Variants in RAD51D observed in about 807,000 individuals in gnomAD.
RAD51D encodes RAD51 paralog D, also known as DNA repair protein RAD51 homolog 4.
A neutral mutation model predicts 44.1 loss-of-function variants in RAD51D; 38 were observed. That is an observed-to-expected ratio of 0.86 (90% CI 0.67 to 1.13). The LOEUF is 1.13. Ranked by LOEUF, RAD51D falls within the 50% of genes most tolerant of loss-of-function variation. The pLI is 0.00. For synonymous variants in RAD51D, 141 were observed against 166.6 expected (o/e 0.85, Z 1.18); for missense variants, 390 against 414.0 (o/e 0.94, Z 0.50).
chr17:35,094,124 T>C lies in RAD51D; in HGVS notation c.*6829A>G, dbSNP rs1192250884. On this transcript the variant is annotated 3_prime_UTR_variant, in exon 10 of 10. Transcript: ENST00000345365. ...CCTGTTTTGTTTTGTTTTTTTGAGA[T>C]GGAGTCTTGTTCCGTCACCCAGACT... is the stretch of plus-strand genomic sequence containing the variant. The C allele has an allele frequency of 1.3e-5, 2 of 152,432 alleles. No individual in the cohort carries two copies. Among genetic ancestry groups the C allele is most frequent in the African/African-American group, 4.8e-5 (2 of 41,442 alleles). 9.4% of individuals were successfully genotyped at this position (152,432 alleles called of 1,614,324 possible).
In RAD51D at chr17:35,098,823, T is replaced by C. The variant is rs1251437241; in HGVS notation, c.*2130A>G. ...TTTTGAGCCTCAGGTACCTTCTCTG[T>C]TAAGTAACAGGATGGGCCAGATGAT... On this transcript the variant is annotated 3_prime_UTR_variant, in exon 10 of 10. Coordinates refer to ENST00000345365, the MANE Select transcript of RAD51D (RefSeq NM_002878.4). 1.3e-5 allele frequency: 2 copies of C among 152,096 alleles called. No individual in the cohort carries two copies. Among genetic ancestry groups the C allele is most frequent in the African/African-American group, 2.4e-5 (1 of 41,390 alleles). The allele number at this position is 152,096 out of a possible 1,614,324, so 9.4% of individuals were successfully genotyped here.
intron 3 of RAD51D, among the ~76,000 whole-genome samples, chr17:35,108,906 G>A (rs1391921700): frequency 4.3e-5 from 6 of 139,478 alleles, no homozygotes; most frequent in South Asian, 2.2e-4. Context: ...TCGCTCTGTC[G>A]CCCAGGCTGG....
At chr17:35,108,868 CTTT>C (rs35092882) in intron 3 of RAD51D, among the ~76,000 whole-genome samples, 16 of 122,614 alleles carry the variant, frequency 1.3e-4, no homozygotes, top group Non-Finnish European at 1.2e-4. Context: ...TTTTTCTTTT[CTTT>C]TTTTTTTTTT....
At chr17:35,116,984 G>A in intron 3 of RAD51D, 2 of 1,613,926 alleles carry the variant, frequency 1.2e-6, no homozygotes, top group Non-Finnish European at 1.7e-6. Context: ...TCCCTGCGGG[G>A]ACCTGAGGCA....
chr17:35,100,360 G>C lies in RAD51D; in HGVS notation c.*593C>G, dbSNP rs1203563495. The C allele has an allele frequency of 1.7e-5, 9 of 534,046 alleles. No individual in the cohort carries two copies. Among genetic ancestry groups the C allele is most frequent in the South Asian group, 1.4e-4 (9 of 65,168 alleles). 33.1% of individuals were successfully genotyped at this position (534,046 alleles called of 1,614,324 possible). On this transcript the variant is annotated 3_prime_UTR_variant, in exon 10 of 10. Coordinates refer to ENST00000345365, the MANE Select transcript of RAD51D (RefSeq NM_002878.4). ...GAAACTGAAAAACAGCCTTCTAAGG[G>C]GAAATCAGGTGGCTCTAGGGCTCGG...
intron 6 of RAD51D, among the ~76,000 whole-genome samples, chr17:35,105,313 C>G (rs74687991): frequency 6.6e-6 from 1 of 152,034 alleles, no homozygotes; most frequent in East Asian, 1.9e-4. Context: ...TTTTTAAAGA[C>G]GGGGTCTAGC....
rs1293605667 is a variant in RAD51D at position 35,093,047 on chromosome 17, T to A, written c.*7906A>T. The stretch of plus-strand genomic sequence containing the variant: ...CCTGCTAAGCATGGGGCTGTGTGAC[T>A]GCACTGGTCATACCACCATGTAGCT... On this transcript the variant is annotated 3_prime_UTR_variant, in exon 10 of 10. Coordinates refer to ENST00000345365, the MANE Select transcript of RAD51D (RefSeq NM_002878.4). The A allele has an allele frequency of 6.6e-6, 1 of 152,262 alleles. No individual in the cohort carries two copies. Among genetic ancestry groups the A allele is most frequent in the African/African-American group, 2.4e-5 (1 of 41,460 alleles). The allele number at this position is 152,262 out of a possible 1,614,324, so 9.4% of individuals were successfully genotyped here. A position where few individuals can be genotyped will look rare whatever the true frequency, so the allele number is the denominator to read the frequency against.
chr17:35,118,798 A>G (rs2091781994), intron 2 of RAD51D, among the ~76,000 whole-genome samples, 179 bp from the exon 3 acceptor site: 1 of 152,228 alleles, frequency 6.6e-6, no homozygotes, highest in Non-Finnish European at 1.5e-5. Context: ...ATTGGAGTGC[A>G]GTAGCACGAT....
In RAD51D at chr17:35,116,646, C is replaced by T. The variant is rs139512155; in HGVS notation, c.263+1855G>A. 3.6e-3 allele frequency among the ~76,000 whole-genome samples: 543 copies of T among 152,226 alleles called. 6 individuals carry two copies. Among genetic ancestry groups the T allele is most frequent in the African/African-American group, 0.012 (517 of 41,528 alleles). On this transcript the variant is annotated intron_variant, in intron 3 of 9. Transcript: ENST00000345365. Reference sequence around the variant, plus strand: ...AGTAGCTGGGACTACAGGCGCCCGCCACCACGCCCAGCTAATATTTTGTAC... The same window carrying T: ...AGTAGCTGGGACTACAGGCGCCCGCTACCACGCCCAGCTAATATTTTGTAC...
chr17:35,118,144 A>G (rs976528600), intron 3 of RAD51D, among the ~76,000 whole-genome samples: 1 of 152,208 alleles, frequency 6.6e-6, no homozygotes, highest in African/African-American at 2.4e-5. Flanking sequence ...TGTGCCTCCC[A>G]GGGGACATTT....
In RAD51D at chr17:35,103,498, A is replaced by G. The variant is rs1064795673; in HGVS notation, c.623T>C (p.Val208Ala). The change falls in exon 7 of 10, where the codon GTC (valine) becomes GCC (alanine). Residue 208 changes from valine to alanine, a missense_variant. Coordinates refer to ENST00000345365, the MANE Select transcript of RAD51D (RefSeq NM_002878.4). This position sits in a 1 kb window ranked among gnomAD's most constrained non-coding sequence, Gnocchi z 4.1. ...GTVKVVVVDSVTAVVSPLLGG... is the reference protein window; with the variant it reads ...GTVKVVVVDSATAVVSPLLGG... ...CAGAAGTGGGGAAACCACCGCAGTG[A>G]CCGAGTCCACAACCACCACCTTCAC... 6.2e-7 allele frequency: 1 copy of G among 1,614,196 alleles called. No homozygotes were observed. The highest frequency in any genetic ancestry group is 1.1e-5 in the South Asian group (1 of 91,080).
At position 35,095,209 on chromosome 17, in the gene RAD51D, G is replaced by C. The variant is rs117830918; in HGVS notation, c.*5744C>G. 425 of 152,368 alleles carry C rather than the reference G, an allele frequency of 2.8e-3. No homozygotes were observed. Among genetic ancestry groups the C allele is most frequent in the Non-Finnish European group, 4.9e-3 (335 of 68,070 alleles). The allele number at this position is 152,368 out of a possible 1,614,324, so 9.4% of individuals were successfully genotyped here. The stretch of plus-strand genomic sequence containing the variant: ...TGTTAAATTAAATTTGGGGTCGGGT[G>C]TGGTGTCTCACGCCTGTAATCCAGG... On this transcript the variant is annotated 3_prime_UTR_variant, in exon 10 of 10. Coordinates refer to ENST00000345365, the MANE Select transcript of RAD51D (RefSeq NM_002878.4).
chr17:35,119,640 GGGGGAC>G lies in RAD51D; in HGVS notation c.-33_-28del. 6.2e-7 allele frequency: 1 copy of G among 1,606,598 alleles called. No individual in the cohort carries two copies. The highest frequency in any genetic ancestry group is 8.5e-7 in the Non-Finnish European group (1 of 1,179,276). On this transcript the variant is annotated 5_prime_UTR_variant, in exon 1 of 10. Transcript: ENST00000345365. ...TTCCCCGCAGGCCGGAACAGCCCCA[GGGGGAC>G]TGCACGTCACGTGGGCATTCGCGGG...
intron 3 of RAD51D, among the ~76,000 whole-genome samples, chr17:35,108,485 C>G (rs1385373571): frequency 2.1e-5 from 3 of 141,484 alleles, no homozygotes; most frequent in Admixed American, 7.2e-5. Flanking sequence ...CATAGCAAGA[C>G]CCTTTTCTCT....
chr17:35,115,947 A>G lies in RAD51D; in HGVS notation c.263+2554T>C, dbSNP rs59000263. On this transcript the variant is annotated intron_variant, in intron 3 of 9. Coordinates refer to ENST00000345365, the MANE Select transcript of RAD51D (RefSeq NM_002878.4). The stretch of plus-strand genomic sequence containing the variant: ...AGGAAGGAAGGAAGGAAGAAAGAAA[A>G]GGAAGAAAGGAAAGAAAGAAAGAAA... 2.4e-4 allele frequency among the ~76,000 whole-genome samples: 28 copies of G among 116,524 alleles called. 1 individual carries two copies. The highest frequency in any genetic ancestry group is 8.5e-4 in the African/African-American group (27 of 31,902). The allele number at this position is 116,524 out of a possible 152,430, so 76.4% of individuals were successfully genotyped here.
At position 35,097,831 on chromosome 17, in the gene RAD51D, G is replaced by C. The variant is rs1374120439; in HGVS notation, c.*3122C>G. ...GGAAGTTACTGTAAGCATCTATCTA[G>C]ATCACAGCTGAGGCATAAAAAAGGA... On this transcript the variant is annotated 3_prime_UTR_variant, in exon 10 of 10. Coordinates refer to ENST00000345365, the MANE Select transcript of RAD51D (RefSeq NM_002878.4). The C allele has an allele frequency of 1.3e-5, 2 of 152,290 alleles. No individual in the cohort carries two copies. The highest frequency in any genetic ancestry group is 2.4e-5 in the African/African-American group (1 of 41,458). The allele number at this position is 152,290 out of a possible 1,614,324, so 9.4% of individuals were successfully genotyped here.
chr17:35,115,931 G>GGAAA (rs779006417), intron 3 of RAD51D, among the ~76,000 whole-genome samples: 1 of 61,490 alleles, frequency 1.6e-5, no homozygotes, highest in African/African-American at 5.2e-5. Flanking sequence ...AAGGAAGGAA[G>GGAAA]GAAGGAAGAA....
chr17:35,117,076 G>A lies in RAD51D; in HGVS notation c.263+1425C>T, dbSNP rs748058610. ...AAACTCCCTAAGCCCAAGGCCAATC[G>A]GCTTCCTGTTCACCACTCCCTCCTT... is the stretch of plus-strand genomic sequence containing the variant. On this transcript the variant is annotated intron_variant, in intron 3 of 9. Coordinates refer to ENST00000345365, the MANE Select transcript of RAD51D (RefSeq NM_002878.4). 27 of 1,577,366 alleles carry A rather than the reference G, an allele frequency of 1.7e-5. No individual in the cohort carries two copies. In the African/African-American group the frequency reaches 2.2e-4, roughly 13 times the overall value.
intron 3 of RAD51D, among the ~76,000 whole-genome samples, chr17:35,109,912 C>G (rs2091654426): frequency 6.6e-6 from 1 of 151,766 alleles, no homozygotes; most frequent in Non-Finnish European, 1.5e-5. Flanking sequence ...GGTGATCAAC[C>G]TGCCTTGGCC....
Sources: allele counts gnomAD v4.1 joint callset (sites outside exome capture counted in the v4.1 genomes callset), GRCh38; gene constraint gnomAD v4.1.1; non-coding constraint Gnocchi (gnomAD v3.1); transcripts MANE v1.5; gene names NCBI Gene and HGNC (gene_info 2026-07-23, HGNC 2026-07-21).